Variants in UPK1B observed in about 807,000 individuals in gnomAD.
UPK1B encodes uroplakin 1B.
UPK1B carries 28 observed loss-of-function variants against 34.2 expected under a neutral mutation model. The observed-to-expected ratio is 0.82, with a 90% CI of 0.61 to 1.12. The LOEUF (loss-of-function observed/expected upper bound fraction) is 1.12, where lower values mean the gene tolerates loss of function less well. Among genes scored for constraint, UPK1B ranks in the 50% most tolerant of loss-of-function variants. The pLI is 0.00. For missense variants in UPK1B, 325 were observed against 320.9 expected (o/e 1.01, Z -0.10); for synonymous variants, 81 against 110.4 (o/e 0.73, Z 1.67).
At chr3:119,203,759 C>T (rs564470333) in intron 7 of UPK1B, among the ~76,000 whole-genome samples, 158 bp from the exon 8 acceptor site, 54 of 151,990 alleles carry the variant, frequency 3.6e-4, no homozygotes, top group African/African-American at 1.3e-3. Flanking sequence ...GTACATGTAT[C>T]CTGTTTTTGT....
At chr3:119,179,667 G>A (rs1462584042) in intron 1 of UPK1B, among the ~76,000 whole-genome samples, 1 of 96,166 alleles carries the variant, frequency 1.0e-5, no homozygotes, top group African/African-American at 3.2e-5. Flanking sequence ...CTGCCACCAC[G>A]CCCGGCTAAC....
At chr3:119,175,344 T>C (rs1002422401) in intron 1 of UPK1B, among the ~76,000 whole-genome samples, 4 of 152,128 alleles carry the variant, frequency 2.6e-5, no homozygotes, top group African/African-American at 9.7e-5. Context: ...AGAACTTCTT[T>C]TTGACTTCTC....
intron 5 of UPK1B, among the ~76,000 whole-genome samples, chr3:119,192,804 CCCTTT>C (rs2078050096): frequency 6.6e-6 from 1 of 152,184 alleles, no homozygotes; most frequent in Non-Finnish European, 1.5e-5. Flanking sequence ...ATCAGTTTCT[CCCTTT>C]CAACAGCCTA....
chr3:119,200,343 C>T (rs573042352), intron 7 of UPK1B, among the ~76,000 whole-genome samples: 3 of 152,332 alleles, frequency 2.0e-5, no homozygotes, highest in Admixed American at 2.0e-4. Flanking sequence ...ATGAGCACTG[C>T]ACCCAGCCCA....
chr3:119,178,258 C>A (rs2077967013), intron 1 of UPK1B, among the ~76,000 whole-genome samples: 1 of 152,186 alleles, frequency 6.6e-6, no homozygotes, highest in Non-Finnish European at 1.5e-5. Context: ...ATACTATAGA[C>A]TGGTCTTTCA....
chr3:119,203,356 A>AAAAAAAAAC (rs2078101674), intron 7 of UPK1B, among the ~76,000 whole-genome samples: 2 of 150,110 alleles, frequency 1.3e-5, no homozygotes, highest in South Asian at 2.2e-4. Flanking sequence ...AAAAAAAAAA[A>AAAAAAAAAC]AAAAAAAAAA....
chr3:119,192,986 A>G (rs200319887), intron 5 of UPK1B, among the ~76,000 whole-genome samples: 1,468 of 3,642 alleles, frequency 0.4, 45 homozygotes, highest in East Asian at 0.53. Flanking sequence ...TCCAACTACA[A>G]TTGGCCTCTG....
In UPK1B at chr3:119,194,252, T is replaced by A. The variant is rs1421400380; in HGVS notation, c.502T>A (p.Trp168Arg). 6.2e-7 allele frequency: 1 copy of A among 1,614,080 alleles called. No homozygotes were observed. Among genetic ancestry groups the A allele is most frequent in the South Asian group, 1.1e-5 (1 of 91,068 alleles). The change falls in exon 6 of 8, where the codon TGG (tryptophan) becomes AGG (arginine). Residue 168 changes from tryptophan (W) to arginine (R), a missense_variant. Physicochemically the swap from Trp to Arg is moderately radical, Grantham distance 101. Transcript: ENST00000264234. ...CTGTGGCGTAAATGGTCCATCAGAC[T>A]GGCAAAAATACACATCTGCCTTCCG... is the stretch of plus-strand genomic sequence containing the variant. ...NCCGVNGPSD[W>R]QKYTSAFRTE...
chr3:119,183,262 T>A (rs374923734), intron 1 of UPK1B, among the ~76,000 whole-genome samples: 1 of 113,600 alleles, frequency 8.8e-6, no homozygotes, highest in East Asian at 2.6e-4. Flanking sequence ...CAAGCTTCCC[T>A]TTTTTTTTGT....
rs940628581 is a variant in UPK1B at position 119,188,057 on chromosome 3, C to T, written c.270+82C>T. 4.1e-6 allele frequency: 6 copies of T among 1,462,410 alleles called. No individual in the cohort carries two copies. The South Asian group carries it at 5.7e-5, about 14-fold the overall frequency. The allele number at this position is 1,462,410 out of a possible 1,614,324, so 90.6% of individuals were successfully genotyped here. A position where few individuals can be genotyped will look rare whatever the true frequency, so the allele number is the denominator to read the frequency against. On this transcript the variant is annotated intron_variant, in intron 3 of 7. Coordinates refer to ENST00000264234, the MANE Select transcript of UPK1B (RefSeq NM_006952.4). ...TCTTCTTCACTGAGCAATGCTTTGG[C>T]TTTCAGTGGGGGAGCAGGAAGTACC...
chr3:119,183,428 A>C lies in UPK1B; in HGVS notation c.-28-3286A>C, dbSNP rs149368846. The stretch of plus-strand genomic sequence containing the variant: ...AGGCACCCGCCACCATGCTCGGCTA[A>C]TTTTTGTATTTTTAGTAGAGACGGG... On this transcript the variant is annotated intron_variant, in intron 1 of 7. Transcript: ENST00000264234. 7.7e-3 allele frequency among the ~76,000 whole-genome samples: 1,162 copies of C among 151,890 alleles called. 7 individuals carry two copies. Among genetic ancestry groups the C allele is most frequent in the African/African-American group, 0.027 (1,125 of 41,406 alleles).
At chr3:119,192,348 C>A (rs1227265054) in intron 5 of UPK1B, among the ~76,000 whole-genome samples, 1 of 152,104 alleles carries the variant, frequency 6.6e-6, no homozygotes, top group Non-Finnish European at 1.5e-5. Context: ...CTTTCCTAAC[C>A]AAGCCCACCG....
intron 1 of UPK1B, among the ~76,000 whole-genome samples, chr3:119,180,043 C>CA (rs1448912977): frequency 6.6e-6 from 1 of 151,698 alleles, no homozygotes; most frequent in East Asian, 1.9e-4. Context: ...GGTGATCTAC[C>CA]AACCTCAGGT....
At chr3:119,183,810 G>A (rs920317626) in intron 1 of UPK1B, among the ~76,000 whole-genome samples, 1 of 152,196 alleles carries the variant, frequency 6.6e-6, no homozygotes, top group Non-Finnish European at 1.5e-5. Flanking sequence ...GCCTAACATA[G>A]TGCCCAGAGC....
At chr3:119,197,337 C>T (rs2078071728) in intron 6 of UPK1B, among the ~76,000 whole-genome samples, 1 of 152,078 alleles carries the variant, frequency 6.6e-6, no homozygotes, top group South Asian at 2.1e-4. Flanking sequence ...ACTAGCATCA[C>T]GAAAAGGCAC....
chr3:119,200,764 T>C (rs958769053), intron 7 of UPK1B, among the ~76,000 whole-genome samples: 4 of 152,254 alleles, frequency 2.6e-5, no homozygotes, highest in Admixed American at 2.6e-4. Flanking sequence ...AGACTCACTT[T>C]GTAAATTTTC....
intron 1 of UPK1B, among the ~76,000 whole-genome samples, chr3:119,181,444 T>C (rs2077989474): frequency 6.6e-6 from 1 of 152,160 alleles, no homozygotes; most frequent in Admixed American, 6.5e-5. Context: ...GTATTAAAAC[T>C]TCACATATAT....
At chr3:119,188,549 C>T (rs1349785341) in intron 3 of UPK1B, among the ~76,000 whole-genome samples, 1 of 152,174 alleles carries the variant, frequency 6.6e-6, no homozygotes, top group Non-Finnish European at 1.5e-5. Context: ...TGATAAGCAC[C>T]ACTGTAGAGT....
At chr3:119,188,636 C>T (rs1204055228) in intron 3 of UPK1B, among the ~76,000 whole-genome samples, 1 of 152,244 alleles carries the variant, frequency 6.6e-6, no homozygotes, top group Non-Finnish European at 1.5e-5. Flanking sequence ...AAACCATAGA[C>T]AGCAAGACCA....
Sources: allele counts gnomAD v4.1 joint callset (sites outside exome capture counted in the v4.1 genomes callset), GRCh38; gene constraint gnomAD v4.1.1; transcripts MANE v1.5; gene names NCBI Gene and HGNC (gene_info 2026-07-23, HGNC 2026-07-21).